Variants in LHCGR observed in about 807,000 individuals in gnomAD.
LHCGR encodes luteinizing hormone/choriogonadotropin receptor.
LHCGR carries 55 observed loss-of-function variants against 60.7 expected under a neutral mutation model. The observed-to-expected ratio is 0.91, with a 90% CI of 0.73 to 1.13. The LOEUF is 1.13. Among genes scored for constraint, LHCGR ranks in the 50% most tolerant of loss-of-function variants. The pLI is 0.00. For synonymous variants in LHCGR, 337 were observed against 316.5 expected (o/e 1.06, Z -0.69); for missense variants, 862 against 836.0 (o/e 1.03, Z -0.38).
chr2:48,722,593 T>C (rs898956569), intron 6 of LHCGR, among the ~76,000 whole-genome samples: 9 of 152,220 alleles, frequency 5.9e-5, no homozygotes, highest in African/African-American at 2.2e-4. Context: ...ATCTCCCTGC[T>C]CTCTCTCTTC....
At chr2:48,699,319 T>A (rs1050458912) in intron 8 of LHCGR, among the ~76,000 whole-genome samples, 1 of 152,220 alleles carries the variant, frequency 6.6e-6, no homozygotes, top group Non-Finnish European at 1.5e-5. Flanking sequence ...AGGTTAAGTA[T>A]AACTCCTTGC....
intron 1 of LHCGR, among the ~76,000 whole-genome samples, chr2:48,746,589 G>C (rs534320129): frequency 4.7e-4 from 71 of 152,292 alleles, no homozygotes; most frequent in African/African-American, 1.6e-3. Context: ...ACCCAAGATG[G>C]TGTGAGGAGT....
intron 1 of LHCGR, among the ~76,000 whole-genome samples, chr2:48,733,648 G>A (rs767439733): frequency 1.3e-5 from 2 of 152,188 alleles, no homozygotes; most frequent in Non-Finnish European, 1.5e-5. Flanking sequence ...AGGGAATGGG[G>A]AGAGAGGTGG....
intron 6 of LHCGR, among the ~76,000 whole-genome samples, chr2:48,722,576 G>A (rs1046327363): frequency 1.3e-5 from 2 of 152,122 alleles, no homozygotes; most frequent in Non-Finnish European, 2.9e-5. Context: ...GTTTAAAAGT[G>A]CGTGACATCT....
At chr2:48,712,012 C>T (rs1047084752) in intron 7 of LHCGR, among the ~76,000 whole-genome samples, 1 of 152,074 alleles carries the variant, frequency 6.6e-6, no homozygotes, top group Admixed American at 6.6e-5. Flanking sequence ...AAAGTACTAT[C>T]TGCTGGTCTA....
chr2:48,743,283 A>G (rs1669554808), intron 1 of LHCGR, among the ~76,000 whole-genome samples: 4 of 151,968 alleles, frequency 2.6e-5, no homozygotes. Context: ...AACTGGTACC[A>G]TTCCTTCTGA....
chr2:48,750,952 G>C (rs937790435), intron 1 of LHCGR, among the ~76,000 whole-genome samples: 1 of 152,218 alleles, frequency 6.6e-6, no homozygotes, highest in African/African-American at 2.4e-5. Flanking sequence ...GAATTATCTG[G>C]CCCCAATTGT....
intron 7 of LHCGR, among the ~76,000 whole-genome samples, chr2:48,713,670 T>C (rs1668105354): frequency 1.3e-5 from 2 of 152,184 alleles, no homozygotes; most frequent in African/African-American, 4.8e-5. Context: ...GAAATTCTGC[T>C]TCCTCTAACA....
intron 1 of LHCGR, among the ~76,000 whole-genome samples, chr2:48,741,664 C>T (rs1210066356): frequency 1.3e-5 from 2 of 151,226 alleles, no homozygotes; most frequent in African/African-American, 2.4e-5. Flanking sequence ...CACCACCAGG[C>T]CTGCCCTAAA....
rs2104452197 is a variant in LHCGR at position 48,723,714 on chromosome 2, A to G, written c.384-18T>C. 3 of 1,589,214 alleles carry G rather than the reference A, an allele frequency of 1.9e-6. No homozygotes were observed. The highest frequency in any genetic ancestry group is 2.6e-6 in the Non-Finnish European group (3 of 1,157,406). On this transcript the variant is annotated intron_variant, in intron 4 of 10. Coordinates refer to ENST00000294954, the MANE Select transcript of LHCGR (RefSeq NM_000233.4). ...AGATGCTCCTGTGATTAGGGACAGG[A>G]TAGTGGTGTGGGCAGAGAGTGGGTA... is the stretch of plus-strand genomic sequence containing the variant.
intron 1 of LHCGR, among the ~76,000 whole-genome samples, chr2:48,734,567 TCC>T (rs1669136552): frequency 8.2e-5 from 1 of 12,130 alleles, no homozygotes; most frequent in Non-Finnish European, 1.5e-4. Context: ...TCCTCCTTCC[TCC>T]TCTCTCCCTT....
At chr2:48,751,982 T>C (rs950228312) in intron 1 of LHCGR, among the ~76,000 whole-genome samples, 3 of 152,216 alleles carry the variant, frequency 2.0e-5, no homozygotes, top group Non-Finnish European at 4.4e-5. Context: ...ACAAAGATCT[T>C]TATATAGCCA....
chr2:48,734,299 C>T (rs369052568), intron 1 of LHCGR, among the ~76,000 whole-genome samples: 12 of 152,194 alleles, frequency 7.9e-5, no homozygotes, highest in East Asian at 3.9e-4. Flanking sequence ...TATATGTAAA[C>T]GAAACACTAG....
At chr2:48,732,785 T>C (rs1353853540) in intron 1 of LHCGR, 2 of 522,156 alleles carry the variant, frequency 3.8e-6, no homozygotes, top group African/African-American at 3.9e-5. Flanking sequence ...TAGGTGCTAA[T>C]AGGGAGGAAA....
intron 4 of LHCGR, among the ~76,000 whole-genome samples, chr2:48,725,343 A>G (rs1394898929): frequency 6.6e-6 from 1 of 152,116 alleles, no homozygotes; most frequent in Non-Finnish European, 1.5e-5. Context: ...CTCTCTATTC[A>G]CTTCAGAGAT....
intron 8 of LHCGR, among the ~76,000 whole-genome samples, chr2:48,706,577 T>G (rs1667687656): frequency 6.6e-6 from 1 of 152,234 alleles, no homozygotes; most frequent in African/African-American, 2.4e-5. Flanking sequence ...TCTTGAGACC[T>G]TGTTCGTTTG....
Position 48,687,280 on chromosome 2 carries a change from TA to T in LHCGR, c.*416del, listed in dbSNP as rs1679939262. The stretch of plus-strand genomic sequence containing the variant: ...GCTACCGGATTGGACAGTGCATCTC[TA>T]GAGTGTGTTTTTCAAACTACCTGAG... On this transcript the variant is annotated 3_prime_UTR_variant, in exon 11 of 11. Coordinates refer to ENST00000294954, the MANE Select transcript of LHCGR (RefSeq NM_000233.4). 2 of 186,264 alleles carry T rather than the reference TA, an allele frequency of 1.1e-5. No homozygotes were observed. Among genetic ancestry groups the T allele is most frequent in the Non-Finnish European group, 2.3e-5 (2 of 88,444 alleles). 11.5% of individuals were successfully genotyped at this position (186,264 alleles called of 1,614,324 possible).
chr2:48,709,069 A>C, intron 7 of LHCGR, 47 bp from the exon 8 acceptor site: 1 of 1,438,294 alleles, frequency 7.0e-7, no homozygotes, highest in Non-Finnish European at 9.8e-7. Flanking sequence ...CCTCATGTGT[A>C]AGCATTCGTA....
intron 8 of LHCGR, among the ~76,000 whole-genome samples, chr2:48,699,675 C>A (rs577905658): frequency 3.3e-4 from 51 of 152,334 alleles, no homozygotes; most frequent in African/African-American, 1.2e-3. Flanking sequence ...AATGCATGTT[C>A]TCTAATGCAT....
Sources: allele counts gnomAD v4.1 joint callset (sites outside exome capture counted in the v4.1 genomes callset), GRCh38; gene constraint gnomAD v4.1.1; transcripts MANE v1.5; gene names NCBI Gene and HGNC (gene_info 2026-07-23, HGNC 2026-07-21).